DNAL1: variants seen among roughly 807,000 people sequenced by gnomAD.
DNAL1 encodes the protein dynein axonemal light chain 1, also known as chromosome 14 open reading frame 168.
A neutral mutation model predicts 29.4 loss-of-function variants in DNAL1; 17 were observed. The observed-to-expected ratio is 0.58, with a 90% confidence interval of 0.40 to 0.87. DNAL1 has a LOEUF of 0.87. Ranked by LOEUF, DNAL1 falls within the 40% of genes least tolerant of loss-of-function variation. The pLI, the probability that DNAL1 is intolerant of heterozygous loss-of-function variation, is 0.00. For missense variants in DNAL1, 188 were observed against 214.1 expected (o/e 0.88, Z 0.76); for synonymous variants, 78 against 76.3 (o/e 1.02, Z -0.12).
intron 5 of DNAL1, among the ~76,000 whole-genome samples, chr14:73,684,843 C>T (rs1334036423): frequency 1.3e-5 from 2 of 152,120 alleles, no homozygotes; most frequent in Non-Finnish European, 2.9e-5. Context: ...GCTGCAGTGA[C>T]CTGATTGTGC....
intron 1 of DNAL1, among the ~76,000 whole-genome samples, chr14:73,650,865 A>G (rs776647629): frequency 2.9e-4 from 44 of 152,018 alleles, no homozygotes; most frequent in South Asian, 2.1e-4. Flanking sequence ...CTGGCCTTCA[A>G]TTATGGGCTC....
intron 4 of DNAL1, among the ~76,000 whole-genome samples, chr14:73,663,087 A>G (rs1042395815): frequency 3.3e-5 from 5 of 152,126 alleles, no homozygotes; most frequent in African/African-American, 9.7e-5. Flanking sequence ...TGTAAGAAAT[A>G]CATCTGAATG....
intron 5 of DNAL1, among the ~76,000 whole-genome samples, chr14:73,683,405 C>T (rs1891938245): frequency 1.3e-5 from 2 of 152,116 alleles, no homozygotes; most frequent in African/African-American, 4.8e-5. Context: ...TGGGATATCA[C>T]TAGGCAATAG....
Position 73,696,115 on chromosome 14 carries a change from A to C in DNAL1, c.*173A>C, listed in dbSNP as rs1169727155. On this transcript the variant is annotated 3_prime_UTR_variant, in exon 8 of 8. Coordinates refer to ENST00000553645, the MANE Select transcript of DNAL1 (RefSeq NM_031427.4). The stretch of plus-strand genomic sequence containing the variant: ...TTAACTTATTCAGTGTTTCTCCCCA[A>C]AACTGGTAATGCCAACCTTATATAT... The C allele has an allele frequency of 2.5e-5, 16 of 638,318 alleles. No homozygotes were observed. Among genetic ancestry groups the C allele is most frequent in the Non-Finnish European group, 3.6e-5 (14 of 392,992 alleles). 39.5% of individuals were successfully genotyped at this position (638,318 alleles called of 1,614,324 possible). A position where few individuals can be genotyped will look rare whatever the true frequency, so the allele number is the denominator to read the frequency against.
intron 7 of DNAL1, among the ~76,000 whole-genome samples, chr14:73,694,690 A>G (rs1892260622): frequency 6.6e-6 from 1 of 151,226 alleles, no homozygotes; most frequent in South Asian, 2.1e-4. Flanking sequence ...TAACATAGAA[A>G]ACTTTTTTTT....
At chr14:73,655,432 C>T (rs1055349534) in intron 2 of DNAL1, among the ~76,000 whole-genome samples, 4 of 151,288 alleles carry the variant, frequency 2.6e-5, no homozygotes, top group Admixed American at 6.6e-5. Context: ...GCAACCTCCG[C>T]CTCCCGGGTT....
intron 5 of DNAL1, among the ~76,000 whole-genome samples, chr14:73,686,706 TCAAAA>T (rs1246655876): frequency 2.6e-5 from 4 of 152,192 alleles, no homozygotes; most frequent in African/African-American, 7.2e-5. Context: ...AGACCCTGTC[TCAAAA>T]CAAAACAAAA....
At chr14:73,668,402 T>C (rs945367775) in intron 4 of DNAL1, among the ~76,000 whole-genome samples, 7 of 152,132 alleles carry the variant, frequency 4.6e-5, no homozygotes, top group African/African-American at 1.4e-4. Context: ...CTTCATGAAA[T>C]AGAAAAAAGA....
chr14:73,670,957 C>G (rs998584386), intron 4 of DNAL1, among the ~76,000 whole-genome samples: 5 of 151,884 alleles, frequency 3.3e-5, no homozygotes, highest in African/African-American at 1.2e-4. Context: ...AGGATGGTCT[C>G]GATCTCCTGA....
chr14:73,674,186 T>G (rs1891676496), intron 5 of DNAL1, among the ~76,000 whole-genome samples: 1 of 152,210 alleles, frequency 6.6e-6, no homozygotes, highest in Non-Finnish European at 1.5e-5. Context: ...TCTCTTCTCC[T>G]AGTTGATAAT....
intron 2 of DNAL1, among the ~76,000 whole-genome samples, chr14:73,656,634 C>T (rs748488892): frequency 5.3e-5 from 8 of 151,908 alleles, no homozygotes; most frequent in Non-Finnish European, 1.2e-4. Flanking sequence ...TTATGTTGCC[C>T]AGGTTGGTCT....
chr14:73,682,107 T>C (rs759715832), intron 5 of DNAL1, among the ~76,000 whole-genome samples: 21 of 151,126 alleles, frequency 1.4e-4, no homozygotes, highest in Non-Finnish European at 2.8e-4. Flanking sequence ...AGCAAAACTC[T>C]GTCTCAAAAA....
At chr14:73,650,971 C>T (rs895570845) in intron 1 of DNAL1, among the ~76,000 whole-genome samples, 2 of 147,242 alleles carry the variant, frequency 1.4e-5, no homozygotes, top group Non-Finnish European at 2.9e-5. Flanking sequence ...AAATGTAGAA[C>T]TTTATCAAGT....
At chr14:73,648,212 A>G (rs1046434475) in intron 1 of DNAL1, among the ~76,000 whole-genome samples, 4 of 151,396 alleles carry the variant, frequency 2.6e-5, no homozygotes, top group African/African-American at 9.7e-5. Context: ...TCTTGACCTC[A>G]AGTGATCTGC....
chr14:73,664,388 A>G (rs1595208834), intron 4 of DNAL1, among the ~76,000 whole-genome samples: 1 of 152,140 alleles, frequency 6.6e-6, no homozygotes, highest in East Asian at 1.9e-4. Context: ...AGACCTTTTA[A>G]TGGTATCTCT....
intron 5 of DNAL1, among the ~76,000 whole-genome samples, chr14:73,682,337 A>ATTTT (rs57403758): frequency 8.6e-5 from 8 of 93,416 alleles, no homozygotes; most frequent in African/African-American, 2.1e-4. Flanking sequence ...TGCCTGGCTA[A>ATTTT]TTTTTTTTTT....
intron 5 of DNAL1, among the ~76,000 whole-genome samples, chr14:73,673,724 A>T (rs1160190747): frequency 1.3e-5 from 2 of 151,964 alleles, no homozygotes; most frequent in Admixed American, 6.6e-5. Context: ...CTTCGTCTCT[A>T]CTGAAAATTT....
intron 1 of DNAL1, among the ~76,000 whole-genome samples, chr14:73,652,595 G>T (rs1211419319): frequency 6.6e-6 from 1 of 152,048 alleles, no homozygotes; most frequent in Admixed American, 6.6e-5. Context: ...TTTTCAATTT[G>T]TATTGCCTTC....
At chr14:73,662,437 C>G (rs1255237627) in intron 4 of DNAL1, among the ~76,000 whole-genome samples, 4 of 152,120 alleles carry the variant, frequency 2.6e-5, no homozygotes, top group African/African-American at 7.2e-5. Flanking sequence ...TTGCCAAGGC[C>G]TCTGACTCTG....
Sources: gnomAD v4.1 joint callset for allele counts (sites outside exome capture counted in the v4.1 genomes callset) on GRCh38, gnomAD v4.1.1 for gene constraint, MANE v1.5 for transcripts, NCBI Gene and HGNC (gene_info 2026-07-23, HGNC 2026-07-21) for gene names.